Variants in ANKHD1 observed in about 807,000 individuals in gnomAD.
ANKHD1 encodes ankyrin repeat and KH domain-containing protein 1.
A neutral mutation model predicts 230.5 loss-of-function variants in ANKHD1; 31 were observed. The ratio of observed to expected loss-of-function variants is 0.13; its 90% CI spans 0.10 to 0.18. The LOEUF (loss-of-function observed/expected upper bound fraction) is 0.18, where lower values mean the gene tolerates loss of function less well. ANKHD1 is among the 10% of genes least tolerant of loss of function. ANKHD1 has a pLI of 1.00. For missense variants in ANKHD1, 2,256 were observed against 3,071.3 expected, an observed-to-expected ratio of 0.73 and a Z score of 6.27; for synonymous variants, 1,074 against 1,117.6, an observed-to-expected ratio of 0.96 and a Z score of 0.78.
chr5:140,445,777 T>C lies in ANKHD1; in HGVS notation c.949T>C (p.Phe317Leu), dbSNP rs1265930256. ...TALTYACAGG[F>L]VDIVKVLLNE... ...GCTAACTTATGCATGTGCTGGAGGA[T>C]TTGTTGACATTGTTAAAGTGCTCCT... Residue 317 changes from phenylalanine to leucine, a missense_variant, in exon 6 of 34, where the codon TTT (phenylalanine) becomes CTT (leucine). Phe to Leu is a conservative substitution (Grantham distance 22, BLOSUM62 0). Coordinates refer to ENST00000360839, the MANE Select transcript of ANKHD1 (RefSeq NM_017747.3). 1.2e-6 allele frequency: 2 copies of C among 1,611,710 alleles called. No homozygotes were observed. Among genetic ancestry groups the C allele is most frequent in the South Asian group, 1.1e-5 (1 of 90,608 alleles).
At position 140,505,301 on chromosome 5, in the gene ANKHD1, G is replaced by T. The variant is rs140112736; in HGVS notation, c.3262+68G>T. 9 of 1,491,772 alleles carry T rather than the reference G, an allele frequency of 6.0e-6. No individual in the cohort carries two copies. In the African/African-American group the frequency reaches 1.1e-4, roughly 19 times the overall value. 92.4% of individuals were successfully genotyped at this position (1,491,772 alleles called of 1,614,324 possible). A position where few individuals can be genotyped will look rare whatever the true frequency, so the allele number is the denominator to read the frequency against. ...GAAAATAATTAACTTTTTTATTATT[G>T]ATAAATAGTTCCTAGACTATCTCAG... is the stretch of plus-strand genomic sequence containing the variant. On this transcript the variant is annotated intron_variant, in intron 17 of 33. Transcript: ENST00000360839.
intron 30 of ANKHD1, among the ~76,000 whole-genome samples, chr5:140,536,289 T>G (rs1039914405): frequency 1.3e-5 from 2 of 152,186 alleles, no homozygotes; most frequent in Admixed American, 1.3e-4. Context: ...AGACAGGGTT[T>G]CACCATGTTG....
At chr5:140,422,208 C>T (rs745470660) in intron 1 of ANKHD1, among the ~76,000 whole-genome samples, 23 of 151,996 alleles carry the variant, frequency 1.5e-4, no homozygotes, top group African/African-American at 5.6e-4. Context: ...TTTCAACCTC[C>T]GCCTCCTGGG....
chr5:140,507,157 G>A lies in ANKHD1; in HGVS notation c.3551+180G>A, dbSNP rs1752575489. ...AATCTCAGCTTATTTCAGTAATGTGGCTGCTTATAAAGAGGTCTCATTTCA... is the reference window on the plus strand; with the variant it reads ...AATCTCAGCTTATTTCAGTAATGTGACTGCTTATAAAGAGGTCTCATTTCA... On this transcript the variant is annotated intron_variant, in intron 19 of 33. Transcript: ENST00000360839. The surrounding 1 kb of genome is among the most constrained non-coding windows in gnomAD (Gnocchi z 4.1). Among the ~76,000 whole-genome samples, 1 of 152,080 alleles carries A rather than the reference G, an allele frequency of 6.6e-6. No homozygotes were observed. The highest frequency in any genetic ancestry group is 1.5e-5 in the Non-Finnish European group (1 of 68,028).
At chr5:140,444,080 C>T (rs1174692097) in intron 5 of ANKHD1, among the ~76,000 whole-genome samples, 44 of 31,940 alleles carry the variant, frequency 1.4e-3, no homozygotes, top group Non-Finnish European at 1.9e-3. Context: ...GAGATGAAGT[C>T]CCCCCCCCCC....
intron 24 of ANKHD1, 93 bp from the exon 25 acceptor site, chr5:140,523,973 A>G (rs757370955): frequency 1.4e-6 from 2 of 1,431,072 alleles, no homozygotes; most frequent in African/African-American, 1.5e-5. Context: ...AGTAACATCC[A>G]TGGAAATCCC....
intron 15 of ANKHD1, among the ~76,000 whole-genome samples, chr5:140,500,466 A>G (rs1752239982): frequency 6.6e-6 from 1 of 151,966 alleles, no homozygotes; most frequent in Non-Finnish European, 1.5e-5. Flanking sequence ...CCTGGCCAAC[A>G]TGGTGAAACC....
intron 24 of ANKHD1, among the ~76,000 whole-genome samples, chr5:140,520,759 T>G (rs1325110387): frequency 8.1e-6 from 1 of 123,078 alleles, no homozygotes. Context: ...AAGGGGAACA[T>G]CACACTCTGG....
At chr5:140,528,124 T>A in intron 28 of ANKHD1, 60 bp from the exon 29 acceptor site, 1 of 1,538,676 alleles carries the variant, frequency 6.5e-7, no homozygotes, top group South Asian at 1.3e-5. Flanking sequence ...ATGGTTAAGA[T>A]TACCTTTTTT....
intron 22 of ANKHD1, among the ~76,000 whole-genome samples, chr5:140,511,104 G>A (rs960218197): frequency 2.6e-5 from 4 of 152,126 alleles, no homozygotes; most frequent in Non-Finnish European, 4.4e-5. Flanking sequence ...AGATATGGGC[G>A]TGAGCCATGC....
Position 140,528,164 on chromosome 5 carries a change from TG to T in ANKHD1, c.5238-19del. On this transcript the variant is annotated intron_variant, in intron 28 of 33. Coordinates refer to ENST00000360839, the MANE Select transcript of ANKHD1 (RefSeq NM_017747.3). ...TTTTTAATGTTTTTGGTCTTGTTTCTGTTTTTTTTTTTCCCTTAGGGGTGGC... is the reference window on the plus strand; with the variant it reads ...TTTTTAATGTTTTTGGTCTTGTTTCTTTTTTTTTTTTCCCTTAGGGGTGGC... 1 of 1,552,784 alleles carries T rather than the reference TG, an allele frequency of 6.4e-7. No individual in the cohort carries two copies.
chr5:140,509,727 C>T lies in ANKHD1; in HGVS notation c.3856C>T (p.Pro1286Ser). The T allele has an allele frequency of 6.2e-7, 1 of 1,613,266 alleles. No individual in the cohort carries two copies. Among genetic ancestry groups the T allele is most frequent in the Non-Finnish European group, 8.5e-7 (1 of 1,179,830 alleles). The change falls in exon 21 of 34, where the codon CCC becomes TCC. Residue 1286 changes from proline to serine, a missense_variant. Physicochemically the swap from Pro to Ser is moderately conservative, Grantham distance 74. Transcript: ENST00000360839. ...LLDKGADVNA[P>S]PVPSSRDTAL... Reference sequence around the variant, plus strand: ...TGATAAAGGAGCAGATGTTAATGCTCCCCCTGTGCCTTCCTCAAGAGATAC... The same window carrying T: ...TGATAAAGGAGCAGATGTTAATGCTTCCCCTGTGCCTTCCTCAAGAGATAC...
intron 11 of ANKHD1, chr5:140,484,819 A>G (rs895282106): frequency 5.5e-6 from 1 of 180,352 alleles, no homozygotes; most frequent in African/African-American, 2.4e-5. Flanking sequence ...GTTCATATAA[A>G]GTTCAAAAAC....
At chr5:140,483,541 T>C (rs1751381451) in intron 11 of ANKHD1, among the ~76,000 whole-genome samples, 2 of 141,424 alleles carry the variant, frequency 1.4e-5, no homozygotes, top group African/African-American at 5.2e-5. Flanking sequence ...TACTGCAACC[T>C]CCGCCTCCCG....
At chr5:140,446,975 T>C (rs960791977) in intron 6 of ANKHD1, among the ~76,000 whole-genome samples, 1 of 152,056 alleles carries the variant, frequency 6.6e-6, no homozygotes, top group African/African-American at 2.4e-5. Flanking sequence ...AATGGTGTGA[T>C]CTTGGCTCAC....
chr5:140,424,088 A>G (rs984570434), intron 1 of ANKHD1, among the ~76,000 whole-genome samples: 1 of 152,010 alleles, frequency 6.6e-6, no homozygotes, highest in African/African-American at 2.4e-5. Context: ...CTTATGCTCT[A>G]TTTGCTTTTT....
At chr5:140,464,230 CAAA>C (rs566732231) in intron 9 of ANKHD1, among the ~76,000 whole-genome samples, 3 of 108,336 alleles carry the variant, frequency 2.8e-5, no homozygotes, top group Admixed American at 2.0e-4. Flanking sequence ...GACTATCTCT[CAAA>C]AAAAAAAAAA....
chr5:140,471,597 C>T (rs1776501412), intron 10 of ANKHD1, among the ~76,000 whole-genome samples: 1 of 152,160 alleles, frequency 6.6e-6, no homozygotes, highest in Non-Finnish European at 1.5e-5. Context: ...AGAGTGAAGC[C>T]TTCTCTAGGC....
chr5:140,452,054 C>T (rs1396740856), intron 7 of ANKHD1, among the ~76,000 whole-genome samples: 1 of 152,120 alleles, frequency 6.6e-6, no homozygotes, highest in African/African-American at 2.4e-5. Flanking sequence ...ACTGAGCATA[C>T]GGCACACCAG....
Sources: gnomAD v4.1 joint callset for allele counts (sites outside exome capture counted in the v4.1 genomes callset) on GRCh38, gnomAD v4.1.1 for gene constraint, Gnocchi (gnomAD v3.1) non-coding constraint, MANE v1.5 for transcripts, NCBI Gene and HGNC (gene_info 2026-07-23, HGNC 2026-07-21) for gene names.